BABAM2: variants seen among roughly 807,000 people sequenced by gnomAD.
BABAM2 encodes the protein BRISC and BRCA1-A complex member 2.
In BABAM2, 31 loss-of-function variants were observed where a neutral mutation model predicts 54.7. That is an observed-to-expected ratio of 0.57 (90% CI 0.43 to 0.77). The LOEUF (loss-of-function observed/expected upper bound fraction) is 0.77, where lower values mean the gene tolerates loss of function less well. Ranked by LOEUF, BABAM2 falls within the 30% of genes least tolerant of loss-of-function variation. The pLI is 0.00. For missense variants in BABAM2, 364 were observed against 455.8 expected, an observed-to-expected ratio of 0.80 and a Z score of 1.83; for synonymous variants, 167 against 162.9, an observed-to-expected ratio of 1.03 and a Z score of -0.19.
chr2:28,084,194 G>A (rs1472441740), intron 6 of BABAM2, among the ~76,000 whole-genome samples: 1 of 152,158 alleles, frequency 6.6e-6, no homozygotes, highest in East Asian at 1.9e-4. Context: ...CTTGGAGAGG[G>A]TCTAAAGGTA....
At chr2:28,256,129 A>G (rs1305619057) in intron 10 of BABAM2, among the ~76,000 whole-genome samples, 1 of 152,240 alleles carries the variant, frequency 6.6e-6, no homozygotes, top group African/African-American at 2.4e-5. Context: ...TTAAAAAGTT[A>G]TGATATAGAG....
At chr2:28,224,669 C>T (rs537490438) in intron 7 of BABAM2, among the ~76,000 whole-genome samples, 1 of 152,160 alleles carries the variant, frequency 6.6e-6, no homozygotes, top group South Asian at 2.1e-4. Context: ...AAACAGTCCC[C>T]ATCCTAAGGA....
intron 2 of BABAM2, among the ~76,000 whole-genome samples, chr2:27,910,106 T>C (rs1020037802): frequency 6.6e-6 from 1 of 152,258 alleles, no homozygotes; most frequent in Non-Finnish European, 1.5e-5. Flanking sequence ...GAATCTGTCC[T>C]ATTGCCAATT....
intron 3 of BABAM2, chr2:27,930,203 G>A (rs1239021307): frequency 7.4e-6 from 2 of 269,198 alleles, no homozygotes; most frequent in East Asian, 9.1e-5. Flanking sequence ...ACTCAATAAA[G>A]AGTCCACTGC....
chr2:28,042,095 A>C (rs1274697248), intron 5 of BABAM2, among the ~76,000 whole-genome samples: 1 of 152,182 alleles, frequency 6.6e-6, no homozygotes, highest in East Asian at 1.9e-4. Flanking sequence ...GTGAGGTGAG[A>C]GGGAAAGATA....
intron 4 of BABAM2, among the ~76,000 whole-genome samples, chr2:27,993,836 C>A (rs1320338975): frequency 6.6e-6 from 1 of 152,146 alleles, no homozygotes; most frequent in African/African-American, 2.4e-5. Context: ...ACTTTTCCTC[C>A]TGTGCTCTTC....
intron 2 of BABAM2, chr2:27,896,981 C>T (rs1046922244): frequency 6.4e-6 from 1 of 155,314 alleles, no homozygotes; most frequent in African/African-American, 2.4e-5. Context: ...GGTCCTCGGT[C>T]TGCACCCTCT....
At chr2:28,152,765 A>G (rs1015265675) in intron 7 of BABAM2, among the ~76,000 whole-genome samples, 1 of 152,222 alleles carries the variant, frequency 6.6e-6, no homozygotes, top group African/African-American at 2.4e-5. Context: ...GGAAGACTTC[A>G]CAGAAGAGGT....
At chr2:27,889,865 A>G (rs967967490), upstream of BABAM2, 17 of 188,660 alleles carry the variant, frequency 9.0e-5, no homozygotes, top group Non-Finnish European at 1.7e-4. Context: ...TAGTCCTCAC[A>G]ACAACCCTGT....
At chr2:28,106,737 C>T (rs1436164835) in intron 6 of BABAM2, among the ~76,000 whole-genome samples, 1 of 152,068 alleles carries the variant, frequency 6.6e-6, no homozygotes, top group African/African-American at 2.4e-5. Context: ...TACTTTTTTC[C>T]CCTTTGTCAT....
At chr2:28,281,717 G>T (rs115588695) in intron 10 of BABAM2, among the ~76,000 whole-genome samples, 1 of 152,176 alleles carries the variant, frequency 6.6e-6, no homozygotes, top group African/African-American at 2.4e-5. Context: ...ACATCTGAAG[G>T]CTTGAATTCA....
At chr2:28,145,104 G>A (rs1285663107) in intron 7 of BABAM2, among the ~76,000 whole-genome samples, 1 of 152,208 alleles carries the variant, frequency 6.6e-6, no homozygotes, top group Non-Finnish European at 1.5e-5. Context: ...AGTACCCTTA[G>A]TGATTTATAT....
At chr2:28,320,285 G>A (rs1689921585) in intron 11 of BABAM2, among the ~76,000 whole-genome samples, 1 of 152,252 alleles carries the variant, frequency 6.6e-6, no homozygotes, top group Admixed American at 6.5e-5. Flanking sequence ...GAACAAGAAG[G>A]AATGAAGTTT....
At chr2:28,333,788 G>A (rs928756727) in intron 11 of BABAM2, among the ~76,000 whole-genome samples, 2 of 152,202 alleles carry the variant, frequency 1.3e-5, no homozygotes, top group African/African-American at 4.8e-5. Flanking sequence ...TAATGGGGAG[G>A]TGAGAAGACT....
At chr2:28,306,028 G>A (rs1688488650) in intron 11 of BABAM2, among the ~76,000 whole-genome samples, 1 of 152,054 alleles carries the variant, frequency 6.6e-6, no homozygotes, top group Non-Finnish European at 1.5e-5. Flanking sequence ...CAAGTGTTTA[G>A]AAAGACTTTT....
rs940549785 is a variant in BABAM2 at position 28,304,289 on chromosome 2, C to G, written c.1088+5798C>G. On this transcript the variant is annotated intron_variant, in intron 11 of 11. Transcript: ENST00000379624. The surrounding 1 kb of genome is among the most constrained non-coding windows in gnomAD (Gnocchi z 4.0). Reference sequence around the variant, plus strand: ...CAGTCTGGTTTCAAACTCCTGACTTCAGGTGATCCACCCGCCTCGGCCTCC... The same window carrying G: ...CAGTCTGGTTTCAAACTCCTGACTTGAGGTGATCCACCCGCCTCGGCCTCC... Among the ~76,000 whole-genome samples, 2 of 151,846 alleles carry G rather than the reference C, an allele frequency of 1.3e-5. No homozygotes were observed. The highest frequency in any genetic ancestry group is 1.3e-4 in the Admixed American group (2 of 15,240).
intron 7 of BABAM2, among the ~76,000 whole-genome samples, chr2:28,222,298 C>G (rs1680487299): frequency 3.9e-5 from 6 of 152,128 alleles, no homozygotes. Context: ...GAGAGCCCAA[C>G]CAGAGAATTC....
chr2:28,250,824 C>A (rs1479751163), intron 10 of BABAM2, among the ~76,000 whole-genome samples: 1 of 152,114 alleles, frequency 6.6e-6, no homozygotes, highest in Non-Finnish European at 1.5e-5. Flanking sequence ...TGGTCTTGAT[C>A]TCCTGACCTC....
At position 28,041,854 on chromosome 2, in the gene BABAM2, A is replaced by T. The variant is rs191150905; in HGVS notation, c.496-3871A>T. Among the ~76,000 whole-genome samples the T allele has an allele frequency of 3.1e-3, 473 of 152,308 alleles. 12 individuals are homozygous for T. In the South Asian group the frequency reaches 0.051, roughly 16 times the overall value. On this transcript the variant is annotated intron_variant, in intron 5 of 11. Transcript: ENST00000379624. ...ACATGTTGAAAGAATCACTCTGCCT[A>T]TTGTCATGAGAATAAACTGCAGGTG...
Sources: allele counts gnomAD v4.1 joint callset (sites outside exome capture counted in the v4.1 genomes callset), GRCh38; gene constraint gnomAD v4.1.1; non-coding constraint Gnocchi (gnomAD v3.1); transcripts MANE v1.5; gene names NCBI Gene and HGNC (gene_info 2026-07-23, HGNC 2026-07-21).